The following ADCY8 variants were observed in gnomAD, a reference collection of about 807,000 sequenced individuals.
ADCY8 encodes adenylate cyclase 8, also known as adenylate cyclase type 8.
A neutral mutation model predicts 119.7 loss-of-function variants in ADCY8; 51 were observed. That is an observed-to-expected ratio of 0.43 (90% CI 0.34 to 0.54). The LOEUF is 0.54. Among genes scored for constraint, ADCY8 ranks in the 20% least tolerant of loss-of-function variants. The pLI is 0.03. For synonymous variants in ADCY8, 665 were observed against 651.0 expected (o/e 1.02, Z -0.33); for missense variants, 1,383 against 1,598.8 (o/e 0.87, Z 2.30).
rs376563375 is a variant in ADCY8 at position 130,785,437 on chromosome 8, A to G, written c.3099T>C (p.Ile1033=). 1.2e-6 allele frequency: 2 copies of G among 1,611,032 alleles called. No homozygotes were observed. The highest frequency in any genetic ancestry group is 1.7e-6 in the Non-Finnish European group (2 of 1,178,568). ...CCATGTAGGTGCTGCCAATGGTCTTAATCTTTTCAATGTCTTGAAATCGGT... is the reference window on the plus strand; with the variant it reads ...CCATGTAGGTGCTGCCAATGGTCTTGATCTTTTCAATGTCTTGAAATCGGT... ...GEDRFQDIEK[I]KTIGSTYMAV... The change falls in exon 16 of 18, where the codon ATT becomes ATC. Residue 1033 remains isoleucine (I), a synonymous_variant. Transcript: ENST00000286355.
At chr8:130,908,757 C>T (rs531345342) in intron 6 of ADCY8, among the ~76,000 whole-genome samples, 54 of 152,296 alleles carry the variant, frequency 3.5e-4, no homozygotes, top group Admixed American at 1.0e-3. Flanking sequence ...TAAAATCACA[C>T]GCCAGGTGCT....
chr8:130,893,806 A>G (rs1196861600), intron 7 of ADCY8, among the ~76,000 whole-genome samples: 1 of 131,594 alleles, frequency 7.6e-6, no homozygotes, highest in African/African-American at 2.9e-5. Context: ...GTGTGTGTGC[A>G]TGTTTATGCG....
intron 15 of ADCY8, among the ~76,000 whole-genome samples, chr8:130,795,816 C>T (rs1052460675): frequency 1.6e-4 from 24 of 151,756 alleles, no homozygotes; most frequent in African/African-American, 5.3e-4. Context: ...TATGTATAGC[C>T]TGATTTACAG....
At chr8:130,821,098 A>C (rs1309404016) in intron 13 of ADCY8, among the ~76,000 whole-genome samples, 3 of 152,242 alleles carry the variant, frequency 2.0e-5, no homozygotes, top group Admixed American at 2.0e-4. Context: ...AGAAATTGAA[A>C]GCTCTTTCAC....
chr8:130,958,416 C>G (rs923100635), intron 2 of ADCY8, among the ~76,000 whole-genome samples: 5 of 152,152 alleles, frequency 3.3e-5, no homozygotes, highest in Admixed American at 3.3e-4. Context: ...TGGTCACATG[C>G]TCCTGGCCTC....
intron 1 of ADCY8, among the ~76,000 whole-genome samples, chr8:130,992,398 T>TG (rs1563759024): frequency 5.0e-4 from 15 of 29,824 alleles, no homozygotes; most frequent in African/African-American, 2.1e-3. Context: ...TATATATATA[T>TG]ATATATATAT....
chr8:131,010,791 A>C (rs1823277227), intron 1 of ADCY8, among the ~76,000 whole-genome samples: 2 of 152,242 alleles, frequency 1.3e-5, no homozygotes. Flanking sequence ...ATGCTACCTA[A>C]ATACAAGCCA....
chr8:131,000,724 T>C (rs1201186229), intron 1 of ADCY8, among the ~76,000 whole-genome samples: 1 of 152,134 alleles, frequency 6.6e-6, no homozygotes, highest in African/African-American at 2.4e-5. Flanking sequence ...TCTGCTGGAC[T>C]AACACAACGA....
intron 7 of ADCY8, among the ~76,000 whole-genome samples, chr8:130,893,126 C>T (rs569305775): frequency 2.6e-5 from 4 of 152,220 alleles, no homozygotes; most frequent in Non-Finnish European, 5.9e-5. Flanking sequence ...GCAGAATTGG[C>T]GGAAACAGAA....
At chr8:130,812,230 A>C (rs1306491163) in intron 14 of ADCY8, among the ~76,000 whole-genome samples, 3 of 151,958 alleles carry the variant, frequency 2.0e-5, no homozygotes, top group African/African-American at 7.3e-5. Flanking sequence ...AAAACTTCCA[A>C]AGGCTCCCAT....
intron 7 of ADCY8, among the ~76,000 whole-genome samples, chr8:130,903,031 T>C (rs1406604093): frequency 6.6e-6 from 1 of 152,168 alleles, no homozygotes; most frequent in Non-Finnish European, 1.5e-5. Context: ...ACAGAATCTC[T>C]GTGTCCACCT....
At chr8:130,826,963 T>C (rs914748917) in intron 12 of ADCY8, among the ~76,000 whole-genome samples, 4 of 152,010 alleles carry the variant, frequency 2.6e-5, no homozygotes, top group African/African-American at 9.7e-5. Flanking sequence ...ATACCTAATG[T>C]AAATGACGAG....
intron 14 of ADCY8, 36 bp from the exon 15 acceptor site, chr8:130,800,608 C>T (rs1815745911): frequency 6.2e-7 from 1 of 1,611,348 alleles, no homozygotes; most frequent in African/African-American, 1.3e-5. Flanking sequence ...CAGAAATGGT[C>T]ATCAGAGGTC....
chr8:131,019,414 C>T (rs11784418), intron 1 of ADCY8, among the ~76,000 whole-genome samples: 8,530 of 152,216 alleles, frequency 0.056, 368 homozygotes, highest in African/African-American at 0.11. Flanking sequence ...ATTGGAGTTA[C>T]AATTTGGCAG....
intron 3 of ADCY8, among the ~76,000 whole-genome samples, chr8:130,946,588 A>G (rs1269841499): frequency 1.3e-5 from 2 of 152,158 alleles, no homozygotes; most frequent in African/African-American, 2.4e-5. Flanking sequence ...CCTCTCTGTC[A>G]TAACACTTAA....
chr8:131,037,539 C>T (rs1014089643), intron 1 of ADCY8, among the ~76,000 whole-genome samples: 2 of 151,850 alleles, frequency 1.3e-5, no homozygotes, highest in East Asian at 1.9e-4. Context: ...AAGGCTATTG[C>T]GTGAAAAGTA....
At chr8:130,810,946 A>C (rs1035530968) in intron 14 of ADCY8, among the ~76,000 whole-genome samples, 1 of 152,126 alleles carries the variant, frequency 6.6e-6, no homozygotes, top group Non-Finnish European at 1.5e-5. Context: ...TCTTGATTAA[A>C]AAGCTGTTTT....
intron 1 of ADCY8, among the ~76,000 whole-genome samples, chr8:131,028,574 CAT>C (rs1431884519): frequency 3.3e-5 from 5 of 151,832 alleles, no homozygotes; most frequent in Non-Finnish European, 7.4e-5. Flanking sequence ...TAAAAAGACT[CAT>C]GACCGTTTTT....
chr8:130,904,037 A>G lies in ADCY8; in HGVS notation c.1646T>C (p.Ile549Thr). 1 of 1,612,196 alleles carries G rather than the reference A, an allele frequency of 6.2e-7. No individual in the cohort carries two copies. The highest frequency in any genetic ancestry group is 8.5e-7 in the Non-Finnish European group (1 of 1,178,628). The change falls in exon 7 of 18, where the codon ATT becomes ACT. Residue 549 changes from isoleucine to threonine, a missense_variant. This residue lies in a region of ADCY8 where 928 missense variants were observed against 1,163.5 expected (regional missense o/e 0.80). Transcript: ENST00000286355. ...KLESGGIPGR[I>T]HISKATLDCL... The stretch of plus-strand genomic sequence containing the variant: ...GTCCAGCGTGGCTTTGGAAATGTGA[A>G]TCCTCCTGTGTGTAGAAGGCATAGG...
Sources: allele counts gnomAD v4.1 joint callset (sites outside exome capture counted in the v4.1 genomes callset), GRCh38; gene constraint gnomAD v4.1.1; regional missense constraint gnomAD v4.1.1; transcripts MANE v1.5; gene names NCBI Gene and HGNC (gene_info 2026-07-23, HGNC 2026-07-21).